The following DST variants were observed in gnomAD, a reference collection of about 807,000 sequenced individuals.
DST encodes the protein dystonin.
DST carries 253 observed loss-of-function variants against 875.2 expected under a neutral mutation model. That is an observed-to-expected ratio of 0.29 (90% CI 0.26 to 0.32). The LOEUF is 0.32. Ranked by LOEUF, DST falls within the 10% of genes least tolerant of loss-of-function variation. The probability of loss-of-function intolerance (pLI) is 1.00; values close to 1 mark genes in which losing one functional copy is unlikely to be tolerated. For missense variants in DST, 8,287 were observed against 9,111.6 expected, an observed-to-expected ratio of 0.91 and a Z score of 3.68; for synonymous variants, 3,124 against 3,197.1, an observed-to-expected ratio of 0.98 and a Z score of 0.77.
At chr6:56,737,966 A>G (rs1203694770) in intron 4 of DST, among the ~76,000 whole-genome samples, 1 of 152,240 alleles carries the variant, frequency 6.6e-6, no homozygotes, top group African/African-American at 2.4e-5. Context: ...AAGTGATACA[A>G]TGGTCTGTTC....
At chr6:56,871,661 T>C in intron 3 of DST, 1 of 729,162 alleles carries the variant, frequency 1.4e-6, no homozygotes, top group Middle Eastern at 3.9e-4. Flanking sequence ...AACAAATTGT[T>C]CCTAAACCAG....
chr6:56,732,357 C>A (rs576765808), intron 5 of DST, among the ~76,000 whole-genome samples: 4 of 152,100 alleles, frequency 2.6e-5, no homozygotes, highest in African/African-American at 7.2e-5. Context: ...AATTTTGGTA[C>A]ATCATGGGTT....
intron 3 of DST, among the ~76,000 whole-genome samples, chr6:56,880,511 A>C (rs1781582144): frequency 6.6e-6 from 1 of 152,024 alleles, no homozygotes; most frequent in African/African-American, 2.4e-5. Flanking sequence ...AACATGGTAA[A>C]ACCCTGTCTC....
intron 49 of DST, among the ~76,000 whole-genome samples, chr6:56,587,232 G>A (rs2098172391): frequency 6.6e-6 from 1 of 152,134 alleles, no homozygotes; most frequent in South Asian, 2.1e-4. Context: ...TGATGGAGCT[G>A]AAAGCCAAGG....
In DST at chr6:56,573,075, C is replaced by A; in HGVS notation, c.13237-11G>T. The A allele has an allele frequency of 2.0e-6, 3 of 1,509,596 alleles. No homozygotes were observed. In the South Asian group the frequency reaches 4.0e-5, roughly 20 times the overall value. 93.5% of individuals were successfully genotyped at this position (1,509,596 alleles called of 1,614,324 possible). On this transcript the variant is annotated splice_polypyrimidine_tract_variant and intron_variant, in intron 51 of 103. Coordinates refer to ENST00000680361, the MANE Select transcript of DST (RefSeq NM_001374736.1). ...ATCCTGTTCCAACATCTAAAATAAACCAAATATTGCATATCTTTTATTATG... is the reference window on the plus strand; with the variant it reads ...ATCCTGTTCCAACATCTAAAATAAAACAAATATTGCATATCTTTTATTATG...
chr6:56,715,591 T>C (rs578044469), intron 5 of DST, among the ~76,000 whole-genome samples: 9 of 152,258 alleles, frequency 5.9e-5, no homozygotes, highest in African/African-American at 2.2e-4. Context: ...AGAAATGCAA[T>C]TGCCTTAAGA....
At position 56,623,986 on chromosome 6, in the gene DST, C is replaced by CA. The variant is rs150463940; in HGVS notation, c.4929+543dup. Among the ~76,000 whole-genome samples the CA allele has an allele frequency of 5.3e-3, 736 of 138,304 alleles. 1 individual carries two copies. The highest frequency in any genetic ancestry group is 0.011 in the Middle Eastern group (3 of 274). The allele number at this position is 138,304 out of a possible 152,430, so 90.7% of individuals were successfully genotyped here. A position where few individuals can be genotyped will look rare whatever the true frequency, so the allele number is the denominator to read the frequency against. On this transcript the variant is annotated intron_variant, in intron 36 of 103. Transcript: ENST00000680361. The stretch of plus-strand genomic sequence containing the variant: ...AAATGCCATGTGCTATATCTTTTTG[C>CA]AAAAAAAAAACAACAAAAAACTCCA...
chr6:56,701,359 T>C (rs1304025794), intron 8 of DST, among the ~76,000 whole-genome samples: 2 of 152,158 alleles, frequency 1.3e-5, no homozygotes, highest in Non-Finnish European at 2.9e-5. Flanking sequence ...TTGGGGGCTA[T>C]TGTCAGAAAT....
At chr6:56,859,232 C>A (rs937965022) in intron 3 of DST, among the ~76,000 whole-genome samples, 1 of 152,220 alleles carries the variant, frequency 6.6e-6, no homozygotes, top group Non-Finnish European at 1.5e-5. Flanking sequence ...CAAGCCTTCA[C>A]TTACTCTGTG....
chr6:56,819,822 A>G (rs2099770963), intron 4 of DST, among the ~76,000 whole-genome samples: 1 of 152,198 alleles, frequency 6.6e-6, no homozygotes, highest in Non-Finnish European at 1.5e-5. Flanking sequence ...TTTCTTATGA[A>G]CTGCCTATTG....
chr6:56,851,883 C>T (rs1207268405), intron 3 of DST: 12 of 1,549,756 alleles, frequency 7.7e-6, no homozygotes, highest in East Asian at 2.4e-5. Context: ...GCCTGTGGTC[C>T]GGCCACCAGC....
chr6:56,788,626 T>C (rs967242172), intron 4 of DST, among the ~76,000 whole-genome samples: 4 of 152,188 alleles, frequency 2.6e-5, no homozygotes, highest in Non-Finnish European at 5.9e-5. Flanking sequence ...ATATGTAAAA[T>C]TAAGAAATGA....
At chr6:56,591,027 A>G (rs2098263785) in intron 49 of DST, among the ~76,000 whole-genome samples, 1 of 152,268 alleles carries the variant, frequency 6.6e-6, no homozygotes. Context: ...ACAGCTGTCT[A>G]ACTGGCAATC....
At chr6:56,515,976 A>G (rs1417627224) in intron 71 of DST, among the ~76,000 whole-genome samples, 2 of 152,120 alleles carry the variant, frequency 1.3e-5, no homozygotes, top group Non-Finnish European at 2.9e-5. Context: ...CTGGCAACAT[A>G]TATTTTGCAG....
chr6:56,855,875 T>A (rs551074643), intron 3 of DST, among the ~76,000 whole-genome samples: 8 of 152,244 alleles, frequency 5.3e-5, no homozygotes, highest in Admixed American at 5.2e-4. Context: ...AACTGCAGCA[T>A]CCACAGAAAA....
intron 5 of DST, among the ~76,000 whole-genome samples, chr6:56,725,670 C>G (rs1401889213): frequency 1.3e-5 from 2 of 152,168 alleles, no homozygotes; most frequent in Non-Finnish European, 2.9e-5. Flanking sequence ...TTCTTGAGCA[C>G]TTAACATCTG....
intron 4 of DST, among the ~76,000 whole-genome samples, chr6:56,792,921 T>C (rs1254503666): frequency 6.6e-6 from 1 of 151,340 alleles, no homozygotes; most frequent in Non-Finnish European, 1.5e-5. Flanking sequence ...TACAAAAATG[T>C]AGCTAGGCAT....
intron 2 of DST, among the ~76,000 whole-genome samples, chr6:56,924,786 TA>T (rs1357299442): frequency 2.0e-5 from 3 of 152,046 alleles, no homozygotes; most frequent in Non-Finnish European, 4.4e-5. Context: ...ATGATTAAGT[TA>T]AAATAAGTGA....
chr6:56,740,722 G>A (rs2099543845), intron 4 of DST, among the ~76,000 whole-genome samples: 1 of 152,134 alleles, frequency 6.6e-6, no homozygotes, highest in African/African-American at 2.4e-5. Context: ...TTGGACAACT[G>A]ATTGCAAACA....
Sources: gnomAD v4.1 joint callset for allele counts (sites outside exome capture counted in the v4.1 genomes callset) on GRCh38, gnomAD v4.1.1 for gene constraint, MANE v1.5 for transcripts, NCBI Gene and HGNC (gene_info 2026-07-23, HGNC 2026-07-21) for gene names.